ZC2HC1B: variants seen among roughly 807,000 people sequenced by gnomAD.
The protein encoded by ZC2HC1B is zinc finger C2HC-type containing 1B, also known as zinc finger C2HC domain-containing protein 1B.
ZC2HC1B carries 36 observed loss-of-function variants against 31.0 expected under a neutral mutation model. That is an observed-to-expected ratio of 1.16 (90% CI 0.89 to 1.54). The LOEUF (loss-of-function observed/expected upper bound fraction) is 1.54. Ranked by LOEUF, ZC2HC1B falls within the 40% of genes most tolerant of loss-of-function variation. The probability of loss-of-function intolerance (pLI) is 0.00; values close to 1 mark genes in which losing one functional copy is unlikely to be tolerated. For synonymous variants in ZC2HC1B, 73 were observed against 88.0 expected, an observed-to-expected ratio of 0.83 and a Z score of 0.95; for missense variants, 260 against 268.6, an observed-to-expected ratio of 0.97 and a Z score of 0.22.
chr6:143,902,970 C>A, intron 5 of ZC2HC1B, 74 bp from the exon 6 acceptor site: 1 of 1,377,502 alleles, frequency 7.3e-7, no homozygotes, highest in Middle Eastern at 1.8e-4. Context: ...GTGGGAACAG[C>A]TGTACCTCCT....
rs1160821120 is a variant in ZC2HC1B, at chr6:143,870,202, G to A, written c.28+5635G>A. Among the ~76,000 whole-genome samples the A allele has an allele frequency of 1.3e-5, 2 of 152,212 alleles. No homozygotes were observed. The highest frequency in any genetic ancestry group is 2.9e-5 in the Non-Finnish European group (2 of 68,046). ...TTTCATGCAAAGTGCACAAGCAAGT[G>A]CACTGTTCAAAGTTCTGCCCACTGG... On this transcript the variant is annotated intron_variant, in intron 1 of 7. Transcript: ENST00000237275. The surrounding 1 kb of genome is among the most constrained non-coding windows in gnomAD (Gnocchi z 4.7).
chr6:143,910,780 G>C (rs1373991797), intron 6 of ZC2HC1B, among the ~76,000 whole-genome samples: 1 of 152,014 alleles, frequency 6.6e-6, no homozygotes, highest in Admixed American at 6.6e-5. Flanking sequence ...TTGAGATGGA[G>C]TCTTGCTCTG....
rs1443158239 is a variant in ZC2HC1B at position 143,868,763 on chromosome 6, A to C, written c.28+4196A>C. On this transcript the variant is annotated intron_variant, in intron 1 of 7. Coordinates refer to ENST00000237275, the MANE Select transcript of ZC2HC1B (RefSeq NM_001013623.3). This position sits in a 1 kb window ranked among gnomAD's most constrained non-coding sequence, Gnocchi z 4.2. ...CAATAATAAGGTCATAATTATGCCT[A>C]ACGTAATACAACTATCCTTAATACA... Among the ~76,000 whole-genome samples the C allele has an allele frequency of 6.6e-6, 1 of 152,252 alleles. No individual in the cohort carries two copies. Among genetic ancestry groups the C allele is most frequent in the South Asian group, 2.1e-4 (1 of 4,836 alleles).
In ZC2HC1B at chr6:143,908,457, A is replaced by G. The variant is rs905529285; in HGVS notation, c.598+5305A>G. ...TGTGTCATCTCTGATTTCTTTGAGC[A>G]GTGGTTTATAGTTCTCTTTGAAGAG... is the stretch of plus-strand genomic sequence containing the variant. On this transcript the variant is annotated intron_variant, in intron 6 of 7. Coordinates refer to ENST00000237275, the MANE Select transcript of ZC2HC1B (RefSeq NM_001013623.3). The surrounding 1 kb of genome is among the most constrained non-coding windows in gnomAD (Gnocchi z 4.4). Among the ~76,000 whole-genome samples the G allele has an allele frequency of 6.6e-6, 1 of 152,120 alleles. No homozygotes were observed. The highest frequency in any genetic ancestry group is 1.5e-5 in the Non-Finnish European group (1 of 68,018).
chr6:143,922,237 T>G lies in ZC2HC1B; in HGVS notation c.599-15412T>G, dbSNP rs1777992059. ...ATGTTTATGGAATACATGTGGTATT[T>G]TGATACATGAATAAAATGTGTAATG... On this transcript the variant is annotated intron_variant, in intron 6 of 7. Transcript: ENST00000237275. The surrounding 1 kb of genome is among the most constrained non-coding windows in gnomAD (Gnocchi z 5.0). Among the ~76,000 whole-genome samples, 1 of 152,236 alleles carries G rather than the reference T, an allele frequency of 6.6e-6. No individual in the cohort carries two copies. Among genetic ancestry groups the G allele is most frequent in the South Asian group, 2.1e-4 (1 of 4,828 alleles).
Position 143,915,028 on chromosome 6 carries a change from T to A in ZC2HC1B, c.598+11876T>A, listed in dbSNP as rs1777901070. Among the ~76,000 whole-genome samples the A allele has an allele frequency of 6.6e-6, 1 of 152,212 alleles. No homozygotes were observed. Among genetic ancestry groups the A allele is most frequent in the Non-Finnish European group, 1.5e-5 (1 of 68,020 alleles). On this transcript the variant is annotated intron_variant, in intron 6 of 7. Coordinates refer to ENST00000237275, the MANE Select transcript of ZC2HC1B (RefSeq NM_001013623.3). The surrounding 1 kb of genome is among the most constrained non-coding windows in gnomAD (Gnocchi z 5.2). ...TAAGGAGAGACATTTGTCATTCTGG[T>A]ATATGTTTTCTATATGCCTTACAGC...
At chr6:143,898,142 C>G (rs1429981887) in intron 4 of ZC2HC1B, among the ~76,000 whole-genome samples, 1 of 152,140 alleles carries the variant, frequency 6.6e-6, no homozygotes, top group African/African-American at 2.4e-5. Context: ...GGACCTTGTT[C>G]TTTCATGTTG....
chr6:143,896,146 A>G (rs1212102062), intron 4 of ZC2HC1B, among the ~76,000 whole-genome samples: 2 of 152,200 alleles, frequency 1.3e-5, no homozygotes. Flanking sequence ...CAGAGGCCCT[A>G]GTGCCTCTTC....
intron 4 of ZC2HC1B, among the ~76,000 whole-genome samples, chr6:143,890,829 A>G (rs1339098528): frequency 6.6e-6 from 1 of 152,160 alleles, no homozygotes; most frequent in Non-Finnish European, 1.5e-5. Context: ...GGCATAAACA[A>G]TTAAAAAATG....
intron 6 of ZC2HC1B, among the ~76,000 whole-genome samples, chr6:143,916,652 C>T (rs892537411): frequency 3.3e-5 from 5 of 152,218 alleles, no homozygotes; most frequent in African/African-American, 1.2e-4. Flanking sequence ...TCAGAGTGAC[C>T]TGGATGTGAG....
In ZC2HC1B at chr6:143,870,264, GAAGGGGCTGTCCTTCAGGGATGTCCTAGA is replaced by G. The variant is rs1777320181; in HGVS notation, c.28+5702_28+5730del. The stretch of plus-strand genomic sequence containing the variant: ...CTCACCACTTTCAGGGATGTCCTAG[GAAGGGGCTGTCCTTCAGGGATGTCCTAGA>G]AAGGCAGCTGTCCACTTTTGGGTGG... On this transcript the variant is annotated intron_variant, in intron 1 of 7. Coordinates refer to ENST00000237275, the MANE Select transcript of ZC2HC1B (RefSeq NM_001013623.3). This position sits in a 1 kb window ranked among gnomAD's most constrained non-coding sequence, Gnocchi z 4.7. 6.6e-6 allele frequency among the ~76,000 whole-genome samples: 1 copy of G among 152,126 alleles called. No homozygotes were observed. The highest frequency in any genetic ancestry group is 6.5e-5 in the Admixed American group (1 of 15,284).
chr6:143,893,310 A>T (rs1324393421), intron 4 of ZC2HC1B, among the ~76,000 whole-genome samples: 1 of 152,178 alleles, frequency 6.6e-6, no homozygotes, highest in Non-Finnish European at 1.5e-5. Context: ...AACACTTGTA[A>T]TCTCAGCACT....
intron 1 of ZC2HC1B, among the ~76,000 whole-genome samples, chr6:143,880,734 A>G (rs893590473): frequency 2.6e-5 from 4 of 152,160 alleles, no homozygotes; most frequent in African/African-American, 9.6e-5. Context: ...GTGTTCCTAT[A>G]AAACTTTATT....
In ZC2HC1B at chr6:143,884,402, G is replaced by T; in HGVS notation, c.90+37G>T. 1 of 1,508,988 alleles carries T rather than the reference G, an allele frequency of 6.6e-7. No individual in the cohort carries two copies. The highest frequency in any genetic ancestry group is 2.0e-5 in the Admixed American group (1 of 50,188). 93.5% of individuals were successfully genotyped at this position (1,508,988 alleles called of 1,614,324 possible). A position where few individuals can be genotyped will look rare whatever the true frequency, so the allele number is the denominator to read the frequency against. ...GACATTTTGTAGATGTGTTTCATTG[G>T]ACTTAAATGAACTGTCAAGTCAGTG... On this transcript the variant is annotated intron_variant, in intron 2 of 7. Coordinates refer to ENST00000237275, the MANE Select transcript of ZC2HC1B (RefSeq NM_001013623.3). This position sits in a 1 kb window ranked among gnomAD's most constrained non-coding sequence, Gnocchi z 5.1.
chr6:143,891,333 A>G (rs573081470), intron 4 of ZC2HC1B, among the ~76,000 whole-genome samples: 11 of 152,126 alleles, frequency 7.2e-5, no homozygotes, highest in Non-Finnish European at 1.0e-4. Flanking sequence ...TATGATGTCA[A>G]TTCTACCCAA....
rs1191631180 is a variant in ZC2HC1B, at chr6:143,923,416, T to C, written c.599-14233T>C. Among the ~76,000 whole-genome samples the C allele has an allele frequency of 6.6e-6, 1 of 152,188 alleles. No homozygotes were observed. Among genetic ancestry groups the C allele is most frequent in the East Asian group, 1.9e-4 (1 of 5,198 alleles). Reference sequence around the variant, plus strand: ...ATTTAGCATGTTGTCCTTCTCACTCTGTTGATTGCTTCCTTTGCTGCATAG... The same window carrying C: ...ATTTAGCATGTTGTCCTTCTCACTCCGTTGATTGCTTCCTTTGCTGCATAG... On this transcript the variant is annotated intron_variant, in intron 6 of 7. Transcript: ENST00000237275. The surrounding 1 kb of genome is among the most constrained non-coding windows in gnomAD (Gnocchi z 4.8).
intron 6 of ZC2HC1B, among the ~76,000 whole-genome samples, chr6:143,932,019 G>A (rs1778127298): frequency 6.6e-6 from 1 of 151,868 alleles, no homozygotes; most frequent in Admixed American, 6.6e-5. Flanking sequence ...CACTACAGGT[G>A]TGCACCACCA....
At position 143,918,393 on chromosome 6, in the gene ZC2HC1B, T is replaced by G. The variant is rs1221738855; in HGVS notation, c.598+15241T>G. 6.6e-6 allele frequency among the ~76,000 whole-genome samples: 1 copy of G among 152,224 alleles called. No homozygotes were observed. The highest frequency in any genetic ancestry group is 6.5e-5 in the Admixed American group (1 of 15,280). ...CCACTTTGAATATGTTGGCCCACTG[T>G]GTTTCATCCTCCATGGTTTCTGATG... On this transcript the variant is annotated intron_variant, in intron 6 of 7. Coordinates refer to ENST00000237275, the MANE Select transcript of ZC2HC1B (RefSeq NM_001013623.3). The surrounding 1 kb of genome is among the most constrained non-coding windows in gnomAD (Gnocchi z 4.1).
At chr6:143,928,094 A>G (rs1205243536) in intron 6 of ZC2HC1B, among the ~76,000 whole-genome samples, 2 of 151,980 alleles carry the variant, frequency 1.3e-5, no homozygotes, top group African/African-American at 2.4e-5. Flanking sequence ...TTGTCTGTCT[A>G]TTTCTTTTAC....
Sources: gnomAD v4.1 joint callset for allele counts (sites outside exome capture counted in the v4.1 genomes callset) on GRCh38, gnomAD v4.1.1 for gene constraint, Gnocchi (gnomAD v3.1) non-coding constraint, MANE v1.5 for transcripts, NCBI Gene and HGNC (gene_info 2026-07-23, HGNC 2026-07-21) for gene names.